The following TMEM154 variants were observed in gnomAD, a reference collection of about 807,000 sequenced individuals.
TMEM154 encodes the protein transmembrane protein 154.
TMEM154 carries 27 observed loss-of-function variants against 24.5 expected under a neutral mutation model. That is an observed-to-expected ratio of 1.10 (90% CI 0.81 to 1.52). TMEM154 has a LOEUF of 1.52. Ranked by LOEUF, TMEM154 falls within the 40% of genes most tolerant of loss-of-function variation. The pLI is 0.00. For synonymous variants in TMEM154, 67 were observed against 76.8 expected, an observed-to-expected ratio of 0.87 and a Z score of 0.67; for missense variants, 228 against 213.4, an observed-to-expected ratio of 1.07 and a Z score of -0.43.
chr4:152,661,342 C>CTCTCTCTCTCTCTCTCT (rs1728608479), intron 1 of TMEM154, among the ~76,000 whole-genome samples: 4 of 136,856 alleles, frequency 2.9e-5, no homozygotes, highest in South Asian at 2.4e-4. Context: ...CTCTCTCTCT[C>CTCTCTCTCTCTCTCTCT]CCCCCAACTC....
chr4:152,644,341 T>C, intron 4 of TMEM154, 74 bp downstream of exon 4: 1 of 1,547,958 alleles, frequency 6.5e-7, no homozygotes, highest in Non-Finnish European at 8.9e-7. Flanking sequence ...CAAAAACACC[T>C]GAAAAGGCAG....
intron 1 of TMEM154, among the ~76,000 whole-genome samples, chr4:152,663,551 G>C (rs904682392): frequency 5.3e-5 from 8 of 152,256 alleles, no homozygotes; most frequent in African/African-American, 1.9e-4. Flanking sequence ...GAGGCTGGTA[G>C]CCTCATAAGC....
intron 1 of TMEM154, among the ~76,000 whole-genome samples, chr4:152,663,844 T>G (rs1026201907): frequency 1.3e-5 from 2 of 152,254 alleles, no homozygotes; most frequent in Admixed American, 1.3e-4. Context: ...TTGACAATAT[T>G]CACGCAGACA....
chr4:152,632,197 T>A (rs1752058446), intron 6 of TMEM154, among the ~76,000 whole-genome samples: 1 of 152,162 alleles, frequency 6.6e-6, no homozygotes, highest in Non-Finnish European at 1.5e-5. Flanking sequence ...TTTTCTATAT[T>A]TTTTCTGGCT....
chr4:152,647,676 T>C (rs1728287381), intron 3 of TMEM154, among the ~76,000 whole-genome samples: 1 of 152,242 alleles, frequency 6.6e-6, no homozygotes, highest in South Asian at 2.1e-4. Context: ...TTAAGTCACT[T>C]ATTCAACAAA....
chr4:152,658,149 A>G (rs1728526309), intron 1 of TMEM154, among the ~76,000 whole-genome samples: 1 of 152,234 alleles, frequency 6.6e-6, no homozygotes, highest in Admixed American at 6.5e-5. Flanking sequence ...GAGACTGTAC[A>G]AATACATGGA....
chr4:152,626,323 A>C lies in TMEM154; in HGVS notation c.*2223T>G, dbSNP rs1183857643. ...TTGGTTTTTGTTTTGTTTTTTTAACAATAGTCTGAAACATAAAATTAAGTT... is the reference window on the plus strand; with the variant it reads ...TTGGTTTTTGTTTTGTTTTTTTAACCATAGTCTGAAACATAAAATTAAGTT... On this transcript the variant is annotated 3_prime_UTR_variant, in exon 7 of 7. Transcript: ENST00000304385. 6.6e-6 allele frequency: 1 copy of C among 152,654 alleles called. No individual in the cohort carries two copies. 9.5% of individuals were successfully genotyped at this position (152,654 alleles called of 1,614,324 possible).
chr4:152,656,528 C>A (rs555113779), intron 1 of TMEM154, among the ~76,000 whole-genome samples: 2 of 152,292 alleles, frequency 1.3e-5, no homozygotes, highest in Non-Finnish European at 1.5e-5. Flanking sequence ...GGAGACTACA[C>A]TAATGTACAT....
chr4:152,674,526 G>A (rs1338856119), intron 1 of TMEM154, among the ~76,000 whole-genome samples: 2 of 152,008 alleles, frequency 1.3e-5, no homozygotes, highest in African/African-American at 2.4e-5. Flanking sequence ...CTCCACTGCC[G>A]GCTCTGGTCT....
intron 1 of TMEM154, chr4:152,666,538 C>T (rs1010837880): frequency 6.6e-6 from 1 of 152,104 alleles, no homozygotes; most frequent in African/African-American, 2.4e-5. Flanking sequence ...TCTCAAATTA[C>T]TGGGCTCAAG....
At chr4:152,634,531 T>C (rs764051265) in intron 6 of TMEM154, among the ~76,000 whole-genome samples, 19 of 152,246 alleles carry the variant, frequency 1.2e-4, no homozygotes, top group Non-Finnish European at 2.5e-4. Context: ...TGCATCTGGC[T>C]AACATCAGAG....
chr4:152,664,906 G>A (rs1728686066), intron 1 of TMEM154, among the ~76,000 whole-genome samples: 1 of 151,748 alleles, frequency 6.6e-6, no homozygotes, highest in Non-Finnish European at 1.5e-5. Flanking sequence ...ACACCCAAAA[G>A]CCTGACTCCT....
chr4:152,659,114 G>A (rs974219155), intron 1 of TMEM154, among the ~76,000 whole-genome samples: 12 of 152,194 alleles, frequency 7.9e-5, no homozygotes, highest in African/African-American at 1.7e-4. Flanking sequence ...ATCAACCGAC[G>A]TATCTATCAA....
Position 152,628,358 on chromosome 4 carries a change from G to T in TMEM154, c.*188C>A. ...GGCCTTTTCCTAGTACTTCTCAATTGCACATTCTTCCAAGTGCAAGTGATG... is the reference window on the plus strand; with the variant it reads ...GGCCTTTTCCTAGTACTTCTCAATTTCACATTCTTCCAAGTGCAAGTGATG... On this transcript the variant is annotated 3_prime_UTR_variant, in exon 7 of 7. Coordinates refer to ENST00000304385, the MANE Select transcript of TMEM154 (RefSeq NM_152680.3). The T allele has an allele frequency of 3.0e-6, 3 of 995,832 alleles. No homozygotes were observed. The highest frequency in any genetic ancestry group is 4.6e-6 in the Non-Finnish European group (3 of 653,016). 61.7% of individuals were successfully genotyped at this position (995,832 alleles called of 1,614,324 possible). A position where few individuals can be genotyped will look rare whatever the true frequency, so the allele number is the denominator to read the frequency against.
chr4:152,643,718 G>A (rs1752300895), intron 4 of TMEM154, among the ~76,000 whole-genome samples: 1 of 152,156 alleles, frequency 6.6e-6, no homozygotes, highest in African/African-American at 2.4e-5. Flanking sequence ...GCACAGTCAG[G>A]GGACAGAGTC....
At position 152,652,802 on chromosome 4, in the gene TMEM154, A is replaced by G. The variant is rs1434460834; in HGVS notation, c.190T>C (p.Ser64Pro). ...IKETLNANIN[S>P]TNFAPDENQL... ...TTTTCATCCGGAGCAAAGTTGGTAG[A>G]ATTTATATTTGCATTTAATGTTTCT... The change falls in exon 2 of 7, where the codon TCT becomes CCT. Residue 64 changes from serine to proline, a missense_variant. Ser to Pro is a moderately conservative substitution (Grantham distance 74). Coordinates refer to ENST00000304385, the MANE Select transcript of TMEM154 (RefSeq NM_152680.3). 2 of 1,613,948 alleles carry G rather than the reference A, an allele frequency of 1.2e-6. No homozygotes were observed. The highest frequency in any genetic ancestry group is 2.7e-5 in the African/African-American group (2 of 74,930).
chr4:152,660,520 C>T (rs777022581), intron 1 of TMEM154, among the ~76,000 whole-genome samples: 10 of 152,040 alleles, frequency 6.6e-5, no homozygotes, highest in Admixed American at 2.0e-4. Flanking sequence ...CTCATTTTGT[C>T]CTCACCATTT....
At chr4:152,646,086 G>A (rs780338428) in intron 3 of TMEM154, among the ~76,000 whole-genome samples, 5 of 151,966 alleles carry the variant, frequency 3.3e-5, no homozygotes, top group South Asian at 2.1e-4. Context: ...CAGGTGACCC[G>A]TAAAGCTCCT....
In TMEM154 at chr4:152,672,755, A is replaced by C. The variant is rs114037253; in HGVS notation, c.64+7115T>G. Among the ~76,000 whole-genome samples the C allele has an allele frequency of 7.9e-3, 1,204 of 152,358 alleles. 7 individuals are homozygous for C. Among genetic ancestry groups the C allele is most frequent in the Middle Eastern group, 0.048 (14 of 294 alleles). On this transcript the variant is annotated intron_variant, in intron 1 of 6. Coordinates refer to ENST00000304385, the MANE Select transcript of TMEM154 (RefSeq NM_152680.3). ...TACTGAAAAGAATAGAGGATGATTT[A>C]ACAAGTAACAAGGCACTCATCCCCT...
Sources: allele counts gnomAD v4.1 joint callset (sites outside exome capture counted in the v4.1 genomes callset), GRCh38; gene constraint gnomAD v4.1.1; transcripts MANE v1.5; gene names NCBI Gene and HGNC (gene_info 2026-07-23, HGNC 2026-07-21).